GIGYF2: variants seen among roughly 807,000 people sequenced by gnomAD.
GIGYF2 encodes the protein GRB10-interacting GYF protein 2.
A neutral mutation model predicts 208.1 loss-of-function variants in GIGYF2; 25 were observed. The ratio of observed to expected loss-of-function variants is 0.12; its 90% CI spans 0.09 to 0.17. GIGYF2 has a LOEUF of 0.17. Among genes scored for constraint, GIGYF2 ranks in the 10% least tolerant of loss-of-function variants. The probability of loss-of-function intolerance (pLI) is 1.00; values close to 1 mark genes in which losing one functional copy is unlikely to be tolerated. For missense variants in GIGYF2, 1,302 were observed against 1,579.4 expected (o/e 0.82, Z 2.98); for synonymous variants, 534 against 543.8 (o/e 0.98, Z 0.25).
chr2:232,854,719 A>C lies in GIGYF2; in HGVS notation c.3833-2074A>C, dbSNP rs191089119. 3.3e-3 allele frequency among the ~76,000 whole-genome samples: 507 copies of C among 152,248 alleles called. 5 individuals are homozygous for C. Among genetic ancestry groups the C allele is most frequent in the African/African-American group, 0.012 (494 of 41,546 alleles). Reference sequence around the variant, plus strand: ...ATTTTTTTGAATCATGATATTTTTGAGTCAGTTAATTAAGGTATTTTATGT... The same window carrying C: ...ATTTTTTTGAATCATGATATTTTTGCGTCAGTTAATTAAGGTATTTTATGT... On this transcript the variant is annotated intron_variant, in intron 28 of 28. Coordinates refer to ENST00000373563, the MANE Select transcript of GIGYF2 (RefSeq NM_001103146.3).
intron 8 of GIGYF2, among the ~76,000 whole-genome samples, chr2:232,780,198 C>T (rs1183495878): frequency 6.6e-6 from 1 of 152,090 alleles, no homozygotes; most frequent in Non-Finnish European, 1.5e-5. Context: ...ACACAGGTGC[C>T]CTTTTACTGC....
At chr2:232,845,962 G>A (rs1701987916) in intron 26 of GIGYF2, 76 bp downstream of exon 26, 1 of 972,050 alleles carries the variant, frequency 1.0e-6, no homozygotes, top group Admixed American at 1.9e-5. Context: ...AATTTGAACA[G>A]TGGGCCAAAA....
chr2:232,771,244 T>C, intron 8 of GIGYF2: 1 of 1,609,922 alleles, frequency 6.2e-7, no homozygotes, highest in Non-Finnish European at 8.5e-7. Flanking sequence ...ATCTCGAAGA[T>C]ATGCAAGACC....
chr2:232,837,435 C>G (rs991798962), intron 22 of GIGYF2, among the ~76,000 whole-genome samples: 6 of 152,038 alleles, frequency 3.9e-5, no homozygotes, highest in African/African-American at 1.5e-4. Context: ...TTGCTGTATG[C>G]CCTTAGGAGT....
At chr2:232,761,544 A>G in intron 8 of GIGYF2, 108 bp downstream of exon 8, 1 of 704,900 alleles carries the variant, frequency 1.4e-6, no homozygotes, top group Non-Finnish European at 2.6e-6. Context: ...TTAAACTTCC[A>G]CGGTTATTTG....
chr2:232,731,966 A>C (rs1286193844), intron 2 of GIGYF2, among the ~76,000 whole-genome samples: 4 of 152,202 alleles, frequency 2.6e-5, no homozygotes, highest in Non-Finnish European at 5.9e-5. Flanking sequence ...TATGAAAATG[A>C]AAATAGAAGT....
At chr2:232,782,430 A>G (rs771515620) in intron 8 of GIGYF2, among the ~76,000 whole-genome samples, 10 of 152,236 alleles carry the variant, frequency 6.6e-5, no homozygotes, top group Non-Finnish European at 1.3e-4. Context: ...GTGACCTGGC[A>G]GTTTTGATGC....
intron 2 of GIGYF2, among the ~76,000 whole-genome samples, chr2:232,733,067 T>C (rs896993445): frequency 5.3e-5 from 8 of 152,120 alleles, no homozygotes; most frequent in Admixed American, 6.5e-5. Flanking sequence ...CCATCCTGGC[T>C]AACATGGTGA....
intron 28 of GIGYF2, among the ~76,000 whole-genome samples, chr2:232,855,262 A>G (rs549380401): frequency 3.4e-4 from 52 of 151,926 alleles, no homozygotes; most frequent in African/African-American, 1.2e-3. Flanking sequence ...AATGTTTTGT[A>G]TTTTGAGTAG....
intron 8 of GIGYF2, among the ~76,000 whole-genome samples, chr2:232,774,192 A>G (rs1241810523): frequency 1.3e-5 from 2 of 152,084 alleles, no homozygotes. Context: ...ATACATTCTG[A>G]GTCCAGAGTT....
rs544641092 is a variant in GIGYF2 at position 232,821,193 on chromosome 2, C to T, written c.2529+1208C>T. 2.0e-5 allele frequency among the ~76,000 whole-genome samples: 3 copies of T among 151,278 alleles called. No homozygotes were observed. The South Asian group carries it at 6.3e-4, about 32-fold the overall frequency. On this transcript the variant is annotated intron_variant, in intron 21 of 28. Coordinates refer to ENST00000373563, the MANE Select transcript of GIGYF2 (RefSeq NM_001103146.3). Reference sequence around the variant, plus strand: ...ATGTCCAATTTATCTTTTTATTTTACTTATTTACTTACTTACTTTCTTATT... The same window carrying T: ...ATGTCCAATTTATCTTTTTATTTTATTTATTTACTTACTTACTTTCTTATT...
At chr2:232,756,197 C>CTTTTTTTTTTTTTTTTTTTCTTT in intron 5 of GIGYF2, 26 bp from the exon 6 acceptor site, 1 of 709,936 alleles carries the variant, frequency 1.4e-6, no homozygotes, top group Non-Finnish European at 2.2e-6. Flanking sequence ...TCCTTTTTCT[C>CTTTTTTTTTTTTTTTTTTTCTTT]TTTTTTTTTT....
intron 8 of GIGYF2, among the ~76,000 whole-genome samples, chr2:232,782,990 T>C (rs908133206): frequency 2.0e-5 from 3 of 152,236 alleles, no homozygotes; most frequent in Non-Finnish European, 4.4e-5. Context: ...GTGATTAGTG[T>C]ACTTTTAAAA....
chr2:232,790,033 A>G (rs1333140035), intron 9 of GIGYF2, among the ~76,000 whole-genome samples: 1 of 152,080 alleles, frequency 6.6e-6, no homozygotes, highest in African/African-American at 2.4e-5. Context: ...TTTTAGTTCT[A>G]CTTTGCCATG....
intron 2 of GIGYF2, among the ~76,000 whole-genome samples, chr2:232,720,586 T>TG (rs1696895134): frequency 1.3e-5 from 2 of 148,384 alleles, no homozygotes; most frequent in Admixed American, 1.3e-4. Context: ...TATATATATT[T>TG]TTGTTTGTTT....
chr2:232,790,870 A>G lies in GIGYF2; in HGVS notation c.885A>G (p.Glu295=). The change falls in exon 10 of 29, where the codon GAA becomes GAG. Residue 295 remains glutamate, a synonymous_variant. Transcript: ENST00000373563. ...AATGGTGCTTAGAGGATGCTGAAGA[A>G]GAAATGGGTACATTTGACTCATCTG... is the stretch of plus-strand genomic sequence containing the variant. ...LPEWCLEDAE[E]EMGTFDSSGA... 1 of 1,614,192 alleles carries G rather than the reference A, an allele frequency of 6.2e-7. No individual in the cohort carries two copies. Among genetic ancestry groups the G allele is most frequent in the Non-Finnish European group, 8.5e-7 (1 of 1,180,024 alleles).
At chr2:232,763,161 T>C (rs1192275331) in intron 8 of GIGYF2, among the ~76,000 whole-genome samples, 1 of 152,176 alleles carries the variant, frequency 6.6e-6, no homozygotes, top group Non-Finnish European at 1.5e-5. Context: ...CTCCCATCCT[T>C]GTCTGATTCA....
At chr2:232,852,273 C>T (rs1047374521) in intron 28 of GIGYF2, among the ~76,000 whole-genome samples, 9 of 152,024 alleles carry the variant, frequency 5.9e-5, no homozygotes, top group South Asian at 4.2e-4. Context: ...AAGCCAGACG[C>T]GGTGACTCAC....
rs780740938 is a variant in GIGYF2, at chr2:232,791,403, G to A, written c.1239G>A (p.Arg413=). The stretch of plus-strand genomic sequence containing the variant: ...CGGAAAAAGCTGAAGAGGAGACTCG[G>A]ATGGAAAATAGTCTACCAGCCAAAG... ...EQTEKAEEET[R]MENSLPAKVP... The change falls in exon 12 of 29, where the codon CGG becomes CGA. Residue 413 remains arginine (R), a synonymous_variant. Coordinates refer to ENST00000373563, the MANE Select transcript of GIGYF2 (RefSeq NM_001103146.3). 3 of 1,614,028 alleles carry A rather than the reference G, an allele frequency of 1.9e-6. No individual in the cohort carries two copies. In the Admixed American group the frequency reaches 5.0e-5, roughly 27 times the overall value.
Sources: allele counts gnomAD v4.1 joint callset (sites outside exome capture counted in the v4.1 genomes callset), GRCh38; gene constraint gnomAD v4.1.1; transcripts MANE v1.5; gene names NCBI Gene and HGNC (gene_info 2026-07-23, HGNC 2026-07-21).